PEMT: variants seen among roughly 807,000 people sequenced by gnomAD.
The protein encoded by PEMT is phospholipid methyltransferase.
Under a neutral mutation model 27.4 loss-of-function variants are expected in PEMT, and 23 were observed. The observed-to-expected ratio is 0.84, with a 90% CI of 0.60 to 1.19. PEMT has a LOEUF of 1.19. Among genes scored for constraint, PEMT ranks in the 50% most tolerant of loss-of-function variants. The pLI is 0.00. For synonymous variants in PEMT, 137 were observed against 139.1 expected, an observed-to-expected ratio of 0.98 and a Z score of 0.11; for missense variants, 307 against 310.1, an observed-to-expected ratio of 0.99 and a Z score of 0.07.
At chr17:17,517,439 A>C (rs1316349835) in intron 3 of PEMT, among the ~76,000 whole-genome samples, 1 of 152,114 alleles carries the variant, frequency 6.6e-6, no homozygotes, top group Non-Finnish European at 1.5e-5. Context: ...TCGGAAGCAA[A>C]CTGTCCCATC....
chr17:17,583,193 A>G (rs1361261827), intron 1 of PEMT, among the ~76,000 whole-genome samples: 1 of 152,154 alleles, frequency 6.6e-6, no homozygotes, highest in Non-Finnish European at 1.5e-5. Context: ...CCTGGACAAC[A>G]TGGTGACACT....
Position 17,512,705 on chromosome 17 carries a change from C to T in PEMT, c.321-51G>A, listed in dbSNP as rs1276381335. 6.9e-7 allele frequency: 1 copy of T among 1,453,016 alleles called. No individual in the cohort carries two copies. The highest frequency in any genetic ancestry group is 1.4e-5 in the African/African-American group (1 of 70,144). 90.0% of individuals were successfully genotyped at this position (1,453,016 alleles called of 1,614,324 possible). On this transcript the variant is annotated intron_variant, in intron 3 of 6. Transcript: ENST00000255389. The surrounding 1 kb of genome is among the most constrained non-coding windows in gnomAD (Gnocchi z 6.3). ...GACGTCATGGCCAGGGAGGATGTCA[C>T]AGCCCGGGAGGAGGCCGACCTCATC...
intron 3 of PEMT, among the ~76,000 whole-genome samples, chr17:17,519,424 T>C (rs375915738): frequency 6.6e-6 from 1 of 152,148 alleles, no homozygotes; most frequent in East Asian, 1.9e-4. Context: ...AACGCTGATA[T>C]GAGAGGAGGG....
chr17:17,558,677 C>A (rs12946798), intron 2 of PEMT, among the ~76,000 whole-genome samples: 1 of 111,318 alleles, frequency 9.0e-6, no homozygotes, highest in African/African-American at 3.5e-5. Context: ...GAGAACCAGT[C>A]TCACGAAAAA....
chr17:17,524,668 G>T (rs1251122047), intron 2 of PEMT, among the ~76,000 whole-genome samples: 1 of 151,858 alleles, frequency 6.6e-6, no homozygotes, highest in African/African-American at 2.4e-5. Flanking sequence ...GAAGGTTGAG[G>T]ATGCAGTAAG....
Position 17,591,286 on chromosome 17 carries a change from G to A in PEMT, c.96+245C>T, listed in dbSNP as rs1259044276. 3 of 531,926 alleles carry A rather than the reference G, an allele frequency of 5.6e-6. No homozygotes were observed. In the South Asian group the frequency reaches 6.9e-5, roughly 12 times the overall value. 33.0% of individuals were successfully genotyped at this position (531,926 alleles called of 1,614,324 possible). A position where few individuals can be genotyped will look rare whatever the true frequency, so the allele number is the denominator to read the frequency against. On this transcript the variant is annotated intron_variant, in intron 1 of 6. Coordinates refer to ENST00000255389, the MANE Select transcript of PEMT (RefSeq NM_148172.3). ...GCCACACACAGGCACACAATCAGACGAGCTCAGGAACGCCCCCGTCTCTGA... is the reference window on the plus strand; with the variant it reads ...GCCACACACAGGCACACAATCAGACAAGCTCAGGAACGCCCCCGTCTCTGA...
chr17:17,579,679 C>T (rs1911862985), intron 1 of PEMT, among the ~76,000 whole-genome samples: 1 of 152,100 alleles, frequency 6.6e-6, no homozygotes, highest in South Asian at 2.1e-4. Context: ...CATCTGAAAA[C>T]AAACAAACAA....
intron 2 of PEMT, among the ~76,000 whole-genome samples, chr17:17,524,275 T>C (rs887278936): frequency 1.1e-4 from 16 of 152,192 alleles, no homozygotes; most frequent in Non-Finnish European, 8.8e-5. Context: ...GATGTGTGTT[T>C]TCAGTGCTCT....
At chr17:17,568,004 C>A (rs1182875650) in intron 2 of PEMT, among the ~76,000 whole-genome samples, 1 of 152,096 alleles carries the variant, frequency 6.6e-6, no homozygotes, top group Non-Finnish European at 1.5e-5. Flanking sequence ...TGGCTCATGC[C>A]CCCATCCTAA....
chr17:17,548,841 G>C (rs1343567327), intron 2 of PEMT, among the ~76,000 whole-genome samples: 1 of 152,180 alleles, frequency 6.6e-6, no homozygotes, highest in Admixed American at 6.5e-5. Flanking sequence ...CGCCGAGTCC[G>C]GCCGAGTACA....
Position 17,513,076 on chromosome 17 carries a change from G to C in PEMT, c.321-422C>G, listed in dbSNP as rs1906538870. Among the ~76,000 whole-genome samples the C allele has an allele frequency of 6.6e-6, 1 of 152,190 alleles. No homozygotes were observed. Among genetic ancestry groups the C allele is most frequent in the Non-Finnish European group, 1.5e-5 (1 of 68,038 alleles). On this transcript the variant is annotated intron_variant, in intron 3 of 6. Transcript: ENST00000255389. The surrounding 1 kb of genome is among the most constrained non-coding windows in gnomAD (Gnocchi z 4.1). ...GGCTCAGGAAAGACGCAGGTGCCAGGTTGCAGGGCAGGCCCAGGTGTCCCA... is the reference window on the plus strand; with the variant it reads ...GGCTCAGGAAAGACGCAGGTGCCAGCTTGCAGGGCAGGCCCAGGTGTCCCA...
intron 2 of PEMT, among the ~76,000 whole-genome samples, chr17:17,560,130 G>A (rs1910368498): frequency 6.6e-6 from 1 of 152,232 alleles, no homozygotes; most frequent in Non-Finnish European, 1.5e-5. Context: ...TGTACACTGT[G>A]CACTCCTTGA....
chr17:17,525,150 C>T (rs1907577569), intron 2 of PEMT, among the ~76,000 whole-genome samples: 1 of 152,120 alleles, frequency 6.6e-6, no homozygotes, highest in Non-Finnish European at 1.5e-5. Context: ...TTCAAGGGTT[C>T]TCTCTGCCAT....
intron 2 of PEMT, among the ~76,000 whole-genome samples, chr17:17,542,682 G>C (rs1055199052): frequency 2.0e-5 from 3 of 152,200 alleles, no homozygotes; most frequent in Non-Finnish European, 2.9e-5. Context: ...GAATCTTTCA[G>C]TTTCAGGGCT....
intron 6 of PEMT, 140 bp downstream of exon 6, chr17:17,506,085 CCG>C: frequency 1.0e-6 from 1 of 980,060 alleles, no homozygotes; most frequent in Non-Finnish European, 1.5e-6. Flanking sequence ...GCTACCATGG[CCG>C]CTCTGACCTG....
At chr17:17,571,541 G>T (rs556267202) in intron 2 of PEMT, among the ~76,000 whole-genome samples, 1 of 152,014 alleles carries the variant, frequency 6.6e-6, no homozygotes, top group African/African-American at 2.4e-5. Flanking sequence ...GGGAAGGGAC[G>T]GAGTGGGTGC....
chr17:17,523,375 G>A lies in PEMT; in HGVS notation c.205-980C>T, dbSNP rs2142544453. 1.3e-5 allele frequency among the ~76,000 whole-genome samples: 2 copies of A among 152,334 alleles called. No homozygotes were observed. The highest frequency in any genetic ancestry group is 1.3e-4 in the Admixed American group (2 of 15,300). On this transcript the variant is annotated intron_variant, in intron 2 of 6. Coordinates refer to ENST00000255389, the MANE Select transcript of PEMT (RefSeq NM_148172.3). The surrounding 1 kb of genome is among the most constrained non-coding windows in gnomAD (Gnocchi z 4.8). ...GGACCTGCCTTTCCCAGCAGTTGCG[G>A]CAGGAGAGTGATTAGCGATGATTTC...
chr17:17,556,942 TG>T (rs1438303946), intron 2 of PEMT, among the ~76,000 whole-genome samples: 1 of 152,168 alleles, frequency 6.6e-6, no homozygotes, highest in Non-Finnish European at 1.5e-5. Flanking sequence ...AAGCACAGGA[TG>T]CAGAAAAGAG....
At chr17:17,564,699 C>T (rs1235839874) in intron 2 of PEMT, among the ~76,000 whole-genome samples, 2 of 152,226 alleles carry the variant, frequency 1.3e-5, no homozygotes, top group Non-Finnish European at 2.9e-5. Context: ...TCCCTCTGCT[C>T]CCACAGCTGC....
Sources: allele counts gnomAD v4.1 joint callset (sites outside exome capture counted in the v4.1 genomes callset), GRCh38; gene constraint gnomAD v4.1.1; non-coding constraint Gnocchi (gnomAD v3.1); transcripts MANE v1.5; gene names NCBI Gene and HGNC (gene_info 2026-07-23, HGNC 2026-07-21).